Variants in RPTOR observed in about 807,000 individuals in gnomAD.
RPTOR encodes the protein regulatory associated protein of MTOR complex 1.
A neutral mutation model predicts 169.9 loss-of-function variants in RPTOR; 21 were observed. That is an observed-to-expected ratio of 0.12 (90% CI 0.09 to 0.18). The LOEUF (loss-of-function observed/expected upper bound fraction) is 0.18. RPTOR is among the 10% of genes least tolerant of loss of function. The probability of loss-of-function intolerance (pLI) is 1.00; values close to 1 mark genes in which losing one functional copy is unlikely to be tolerated. For missense variants in RPTOR, 1,133 were observed against 1,855.9 expected (o/e 0.61, Z 7.16); for synonymous variants, 732 against 753.2 (o/e 0.97, Z 0.46).
At chr17:80,745,693 A>C (rs1201866549) in intron 5 of RPTOR, among the ~76,000 whole-genome samples, 1 of 152,166 alleles carries the variant, frequency 6.6e-6, no homozygotes, top group African/African-American at 2.4e-5. Context: ...GTGTTGTTGA[A>C]TTGAGAATAA....
chr17:80,822,490 C>G (rs571637550), intron 8 of RPTOR, among the ~76,000 whole-genome samples, 189 bp downstream of exon 8: 56 of 152,318 alleles, frequency 3.7e-4, no homozygotes, highest in African/African-American at 1.3e-3. Flanking sequence ...TTACTGCACG[C>G]CAGGTTCTCA....
chr17:80,643,404 A>G (rs943440369), intron 2 of RPTOR, among the ~76,000 whole-genome samples: 2 of 152,248 alleles, frequency 1.3e-5, no homozygotes, highest in Admixed American at 1.3e-4. Flanking sequence ...CTGCCTTCTC[A>G]GAGAAAGCCT....
At chr17:80,875,063 C>T (rs1208372128) in intron 13 of RPTOR, among the ~76,000 whole-genome samples, 1 of 152,216 alleles carries the variant, frequency 6.6e-6, no homozygotes, top group East Asian at 1.9e-4. Context: ...TTATGCCTTC[C>T]CCGTCAGGCA....
At chr17:80,770,417 G>T (rs934958346) in intron 6 of RPTOR, among the ~76,000 whole-genome samples, 12 of 152,180 alleles carry the variant, frequency 7.9e-5, no homozygotes, top group African/African-American at 2.9e-4. Context: ...CTCAGCAGCA[G>T]CGTGGTCCGG....
At chr17:80,831,074 C>T (rs2067498598) in intron 9 of RPTOR, among the ~76,000 whole-genome samples, 1 of 152,158 alleles carries the variant, frequency 6.6e-6, no homozygotes, top group Non-Finnish European at 1.5e-5. Context: ...CAGCTCTTTG[C>T]TTCCCAGCGG....
At chr17:80,891,928 C>A in intron 18 of RPTOR, 91 bp downstream of exon 18, 2 of 804,766 alleles carry the variant, frequency 2.5e-6, no homozygotes, top group South Asian at 1.9e-5. Context: ...CTCGCAGAGT[C>A]TAAGCGCAGG....
intron 1 of RPTOR, among the ~76,000 whole-genome samples, chr17:80,573,685 C>T (rs2064931355): frequency 6.6e-6 from 1 of 152,170 alleles, no homozygotes; most frequent in South Asian, 2.1e-4. Context: ...CCCCCTTGAT[C>T]CTGAAGAGTG....
At chr17:80,727,500 A>G (rs2066349640) in intron 4 of RPTOR, among the ~76,000 whole-genome samples, 1 of 149,730 alleles carries the variant, frequency 6.7e-6, no homozygotes, top group Admixed American at 6.6e-5. Flanking sequence ...TGACCACATC[A>G]TGCTCTGAGA....
chr17:80,722,180 C>T (rs1343840768), intron 4 of RPTOR, among the ~76,000 whole-genome samples: 2 of 150,814 alleles, frequency 1.3e-5, no homozygotes, highest in African/African-American at 2.5e-5. Context: ...TGCAAAGTGC[C>T]GTCATCATCA....
chr17:80,888,410 C>T (rs752291692), intron 17 of RPTOR, among the ~76,000 whole-genome samples: 3 of 152,344 alleles, frequency 2.0e-5, no homozygotes, highest in South Asian at 2.1e-4. Flanking sequence ...GGACGCTGCT[C>T]GGGCCTGCTG....
At chr17:80,587,204 C>T (rs1264525667) in intron 1 of RPTOR, among the ~76,000 whole-genome samples, 1 of 152,254 alleles carries the variant, frequency 6.6e-6, no homozygotes, top group African/African-American at 2.4e-5. Flanking sequence ...ACTCGCTTGC[C>T]TTTTTCTTTT....
At chr17:80,742,317 G>A (rs539872323) in intron 5 of RPTOR, among the ~76,000 whole-genome samples, 8 of 152,146 alleles carry the variant, frequency 5.3e-5, no homozygotes. Context: ...CATTACACAA[G>A]GGGAGGAGCT....
chr17:80,966,164 C>T lies in RPTOR; in HGVS notation c.*1834C>T, dbSNP rs1045626. ...CCCTGGAGCCCACCCCCATGGGCAC[C>T]GCGTGCCGCCTGCACGTGGGCTGTC... is the stretch of plus-strand genomic sequence containing the variant. On this transcript the variant is annotated 3_prime_UTR_variant, in exon 34 of 34. Coordinates refer to ENST00000306801, the MANE Select transcript of RPTOR (RefSeq NM_020761.3). The T allele has an allele frequency of 0.42, 95,317 of 227,534 alleles. 21,943 individuals carry two copies. The highest frequency in any genetic ancestry group is 0.52 in the Admixed American group (8,949 of 17,216). 14.1% of individuals were successfully genotyped at this position (227,534 alleles called of 1,614,324 possible).
chr17:80,625,560 G>A (rs1042511514), intron 1 of RPTOR, 131 bp from the exon 2 acceptor site: 61 of 676,012 alleles, frequency 9.0e-5, no homozygotes, highest in Non-Finnish European at 1.4e-4. Flanking sequence ...GGTGACAGGC[G>A]GAGGACTGGC....
intron 3 of RPTOR, among the ~76,000 whole-genome samples, chr17:80,703,106 G>C (rs994513797): frequency 6.6e-6 from 1 of 152,116 alleles, no homozygotes; most frequent in Non-Finnish European, 1.5e-5. Context: ...ATTTTGGGGT[G>C]CCTTATCTTT....
chr17:80,964,423 C>T lies in RPTOR; in HGVS notation c.*93C>T, dbSNP rs769757647. On this transcript the variant is annotated 3_prime_UTR_variant, in exon 34 of 34. Coordinates refer to ENST00000306801, the MANE Select transcript of RPTOR (RefSeq NM_020761.3). Reference sequence around the variant, plus strand: ...CACGGGGCGTCGGCTGCTGCGGCCCCGCAGTGTGAACGTTGGCTGCTGCCT... The same window carrying T: ...CACGGGGCGTCGGCTGCTGCGGCCCTGCAGTGTGAACGTTGGCTGCTGCCT... 9.3e-6 allele frequency: 12 copies of T among 1,297,262 alleles called. No homozygotes were observed. The highest frequency in any genetic ancestry group is 1.3e-5 in the Non-Finnish European group (12 of 909,042). 80.4% of individuals were successfully genotyped at this position (1,297,262 alleles called of 1,614,324 possible).
intron 5 of RPTOR, chr17:80,743,272 A>G (rs1165881860): frequency 1.0e-6 from 1 of 985,390 alleles, no homozygotes; most frequent in Non-Finnish European, 1.2e-6. Flanking sequence ...GATGATGAAC[A>G]AAATGTTTCC....
At chr17:80,868,493 G>A (rs1052882851) in intron 13 of RPTOR, among the ~76,000 whole-genome samples, 27 of 152,220 alleles carry the variant, frequency 1.8e-4, no homozygotes, top group Admixed American at 1.4e-3. Context: ...CGGCAAGGCC[G>A]TGGAGGAACT....
At chr17:80,734,395 C>G (rs958522736) in intron 5 of RPTOR, among the ~76,000 whole-genome samples, 3 of 152,206 alleles carry the variant, frequency 2.0e-5, no homozygotes, top group Non-Finnish European at 4.4e-5. Context: ...TTCTTCCCCT[C>G]TCTCGATTTT....
Sources: gnomAD v4.1 joint callset for allele counts (sites outside exome capture counted in the v4.1 genomes callset) on GRCh38, gnomAD v4.1.1 for gene constraint, MANE v1.5 for transcripts, NCBI Gene and HGNC (gene_info 2026-07-23, HGNC 2026-07-21) for gene names.